Variants in SGCZ observed in about 807,000 individuals in gnomAD.
The protein encoded by SGCZ is zeta-sarcoglycan.
In SGCZ, 40 loss-of-function variants were observed where a neutral mutation model predicts 41.3. The ratio of observed to expected loss-of-function variants is 0.97; its 90% confidence interval spans 0.75 to 1.26. SGCZ has a LOEUF of 1.26. Among genes scored for constraint, SGCZ ranks in the 50% most tolerant of loss-of-function variants. The pLI is 0.00. For synonymous variants in SGCZ, 206 were observed against 137.5 expected, an observed-to-expected ratio of 1.50 and a Z score of -3.49; for missense variants, 552 against 369.8, an observed-to-expected ratio of 1.49 and a Z score of -4.04.
intron 3 of SGCZ, among the ~76,000 whole-genome samples, chr8:14,305,769 T>A (rs539286603): frequency 5.9e-5 from 9 of 152,330 alleles, no homozygotes; most frequent in African/African-American, 2.2e-4. Flanking sequence ...CAATTTCTTA[T>A]CACTTAAATC....
chr8:14,300,539 A>C (rs891841795), intron 3 of SGCZ, among the ~76,000 whole-genome samples: 1 of 152,000 alleles, frequency 6.6e-6, no homozygotes, highest in Admixed American at 6.6e-5. Flanking sequence ...TTGTTGCCTA[A>C]AAATTTTTTA....
chr8:14,462,611 A>G (rs751682072), intron 2 of SGCZ, among the ~76,000 whole-genome samples: 1 of 151,976 alleles, frequency 6.6e-6, no homozygotes, highest in Non-Finnish European at 1.5e-5. Flanking sequence ...CACACTATTG[A>G]TTACTGTAGC....
chr8:15,089,794 T>C (rs1301872812), intron 1 of SGCZ, among the ~76,000 whole-genome samples: 1 of 152,172 alleles, frequency 6.6e-6, no homozygotes, highest in East Asian at 1.9e-4. Flanking sequence ...TAGCTACTGG[T>C]GTGGATCATA....
chr8:14,982,793 G>A (rs1343671262), intron 1 of SGCZ, among the ~76,000 whole-genome samples: 3 of 152,094 alleles, frequency 2.0e-5, no homozygotes, highest in Non-Finnish European at 2.9e-5. Flanking sequence ...GGTGGGTGAC[G>A]ATAATGAATA....
intron 1 of SGCZ, among the ~76,000 whole-genome samples, chr8:14,755,539 C>G (rs566057384): frequency 2.0e-5 from 3 of 152,150 alleles, no homozygotes; most frequent in Non-Finnish European, 4.4e-5. Context: ...AAGCTCTTAA[C>G]AACAACTTTT....
intron 4 of SGCZ, among the ~76,000 whole-genome samples, chr8:14,182,837 C>G (rs1804773685): frequency 6.6e-6 from 1 of 151,866 alleles, no homozygotes; most frequent in Non-Finnish European, 1.5e-5. Context: ...TTGTGAAACC[C>G]CATCTCTACT....
chr8:14,730,856 A>C (rs959426952), intron 1 of SGCZ, among the ~76,000 whole-genome samples: 9 of 151,906 alleles, frequency 5.9e-5, no homozygotes, highest in African/African-American at 2.2e-4. Flanking sequence ...CACACCAGTT[A>C]GAATGGCGAT....
intron 1 of SGCZ, among the ~76,000 whole-genome samples, chr8:15,189,908 A>G (rs117032797): frequency 5.3e-5 from 8 of 152,096 alleles, no homozygotes; most frequent in Admixed American, 2.6e-4. Flanking sequence ...GTTTATTTCA[A>G]TTTCTTCTTG....
intron 2 of SGCZ, among the ~76,000 whole-genome samples, chr8:14,339,113 A>G (rs1802609295): frequency 6.6e-6 from 1 of 152,104 alleles, no homozygotes; most frequent in Non-Finnish European, 1.5e-5. Context: ...TTTTCTCCAG[A>G]GTGTTCTATT....
At chr8:14,965,711 C>A (rs1309968214) in intron 1 of SGCZ, among the ~76,000 whole-genome samples, 1 of 151,864 alleles carries the variant, frequency 6.6e-6, no homozygotes, top group Non-Finnish European at 1.5e-5. Flanking sequence ...AATAATACTA[C>A]CAATAATTTT....
chr8:14,137,779 TC>T (rs1363995522), intron 5 of SGCZ, among the ~76,000 whole-genome samples: 2 of 152,102 alleles, frequency 1.3e-5, no homozygotes, highest in East Asian at 3.9e-4. Flanking sequence ...CAGGAGAACT[TC>T]CCCAATCTAG....
chr8:15,120,826 T>G (rs2116949996), intron 1 of SGCZ, among the ~76,000 whole-genome samples: 1 of 152,318 alleles, frequency 6.6e-6, no homozygotes, highest in African/African-American at 2.4e-5. Context: ...ATCACTGTCC[T>G]ATTTGCATAT....
chr8:14,768,909 G>A (rs917631089), intron 1 of SGCZ, among the ~76,000 whole-genome samples: 2 of 151,882 alleles, frequency 1.3e-5, no homozygotes, highest in East Asian at 1.9e-4. Context: ...CAAATCAGAC[G>A]AATATCCAGA....
Position 14,566,699 on chromosome 8 carries a change from C to T in SGCZ, c.40-11773G>A, listed in dbSNP as rs184637941. ...CCCTCGCTCGCTCTCGGCACCTCCT[C>T]GGCCTTGGCGCCCACTCTGGCCGTA... On this transcript the variant is annotated intron_variant, in intron 1 of 7. Coordinates refer to ENST00000382080, the MANE Select transcript of SGCZ (RefSeq NM_139167.4). 8.3e-4 allele frequency among the ~76,000 whole-genome samples: 126 copies of T among 152,374 alleles called. 2 individuals are homozygous for T. The East Asian group carries it at 0.023, about 28-fold the overall frequency.
intron 1 of SGCZ, among the ~76,000 whole-genome samples, chr8:14,706,687 AC>A (rs2117612761): frequency 6.6e-6 from 1 of 152,256 alleles, no homozygotes; most frequent in South Asian, 2.1e-4. Context: ...GTAGAAGCAA[AC>A]ACACTGATGC....
chr8:14,698,012 T>C (rs1156384379), intron 1 of SGCZ, among the ~76,000 whole-genome samples: 2 of 152,006 alleles, frequency 1.3e-5, no homozygotes, highest in Non-Finnish European at 2.9e-5. Flanking sequence ...ATTATTTTCA[T>C]TTCAAAAGGC....
chr8:15,045,702 C>A (rs1804276820), intron 1 of SGCZ, among the ~76,000 whole-genome samples: 1 of 152,072 alleles, frequency 6.6e-6, no homozygotes, highest in African/African-American at 2.4e-5. Context: ...GCTACACTGA[C>A]AAAACAGATT....
intron 2 of SGCZ, among the ~76,000 whole-genome samples, chr8:14,353,514 C>G (rs1321498608): frequency 6.6e-6 from 1 of 152,084 alleles, no homozygotes; most frequent in Admixed American, 6.6e-5. Flanking sequence ...AAGGTGTCTT[C>G]CCCATTCCAA....
intron 1 of SGCZ, among the ~76,000 whole-genome samples, chr8:15,155,809 G>C (rs1483245931): frequency 6.6e-6 from 1 of 152,138 alleles, no homozygotes; most frequent in East Asian, 1.9e-4. Context: ...TGTTATCCTA[G>C]CACTTTGGGA....
Sources: allele counts gnomAD v4.1 joint callset (sites outside exome capture counted in the v4.1 genomes callset), GRCh38; gene constraint gnomAD v4.1.1; transcripts MANE v1.5; gene names NCBI Gene and HGNC (gene_info 2026-07-23, HGNC 2026-07-21).